The following PLXNA2 variants were observed in gnomAD, a reference collection of about 807,000 sequenced individuals.
PLXNA2 encodes plexin A2.
Under a neutral mutation model 193.5 loss-of-function variants are expected in PLXNA2, and 91 were observed. That is an observed-to-expected ratio of 0.47 (90% confidence interval 0.40 to 0.56). PLXNA2 has a LOEUF of 0.56. Among genes scored for constraint, PLXNA2 ranks in the 20% least tolerant of loss-of-function variants. The pLI is 0.00. For synonymous variants in PLXNA2, 997 were observed against 1,027.3 expected (o/e 0.97, Z 0.56); for missense variants, 1,995 against 2,503.2 (o/e 0.80, Z 4.33).
chr1:208,118,532 G>T (rs1271317898), intron 4 of PLXNA2, among the ~76,000 whole-genome samples: 1 of 152,166 alleles, frequency 6.6e-6, no homozygotes, highest in Non-Finnish European at 1.5e-5. Context: ...CCACCCCGGG[G>T]TCTTGTCCTG....
At position 208,042,068 on chromosome 1, in the gene PLXNA2, ACCCTCTCCACCCACT is replaced by A; in HGVS notation, c.4286+15_4286+29del. 1 of 1,606,054 alleles carries A rather than the reference ACCCTCTCCACCCACT, an allele frequency of 6.2e-7. No individual in the cohort carries two copies. The highest frequency in any genetic ancestry group is 8.5e-7 in the Non-Finnish European group (1 of 1,175,616). ...CTCTGTCCAGGTTCAGACTCCTGCCACCCTCTCCACCCACTGCTGCGGGCCAGACCTCCGGAGTAG... is the reference window on the plus strand; with the variant it reads ...CTCTGTCCAGGTTCAGACTCCTGCCAGCTGCGGGCCAGACCTCCGGAGTAG... On this transcript the variant is annotated intron_variant, in intron 22 of 31. Transcript: ENST00000367033.
Position 208,216,963 on chromosome 1 carries a change from G to C in PLXNA2, c.960C>G (p.Asp320Glu), listed in dbSNP as rs763276369. Residue 320 changes from aspartate to glutamate, a missense_variant, in exon 2 of 32, where the codon GAC (aspartate) becomes GAG (glutamate). Asp to Glu is a conservative substitution (Grantham distance 45, BLOSUM62 2). Coordinates refer to ENST00000367033, the MANE Select transcript of PLXNA2 (RefSeq NM_025179.4). ...TGATATTGAAGGCCTGGGCCAGTGAGTCCCCAGGCTTGGCCAGGTAAGCAG... is the reference window on the plus strand; with the variant it reads ...TGATATTGAAGGCCTGGGCCAGTGACTCCCCAGGCTTGGCCAGGTAAGCAG... ...LQAAYLAKPG[D>E]SLAQAFNITS... 1.9e-6 allele frequency: 3 copies of C among 1,613,718 alleles called. No individual in the cohort carries two copies. The highest frequency in any genetic ancestry group is 2.5e-6 in the Non-Finnish European group (3 of 1,179,842).
At position 208,028,027 on chromosome 1, in the gene PLXNA2, G is replaced by C; in HGVS notation, c.5571C>G (p.Val1857=). ...LSALNEIYSY[V]SKYSEELIGA... is the part of the protein sequence containing the mutation. The stretch of plus-strand genomic sequence containing the variant: ...GTCTCACCTCCTCACTATACTTGCT[G>C]ACATAGGAGTAGATCTCATTGAGGG... Residue 1857 remains valine, a synonymous_variant, in exon 31 of 32, where the codon GTC becomes GTG. Coordinates refer to ENST00000367033, the MANE Select transcript of PLXNA2 (RefSeq NM_025179.4). This position sits in a 1 kb window ranked among gnomAD's most constrained non-coding sequence, Gnocchi z 4.2. 1 of 1,605,542 alleles carries C rather than the reference G, an allele frequency of 6.2e-7. No individual in the cohort carries two copies. The highest frequency in any genetic ancestry group is 8.5e-7 in the Non-Finnish European group (1 of 1,175,786).
At chr1:208,108,445 T>C (rs1274441491) in intron 4 of PLXNA2, among the ~76,000 whole-genome samples, 2 of 151,610 alleles carry the variant, frequency 1.3e-5, no homozygotes, top group Non-Finnish European at 2.9e-5. Flanking sequence ...CACAGAAGAG[T>C]TTCCCAATGG....
At chr1:208,040,095 C>G (rs375840950) in intron 22 of PLXNA2, 37 bp from the exon 23 acceptor site, 2 of 1,556,922 alleles carry the variant, frequency 1.3e-6, no homozygotes, top group African/African-American at 2.7e-5. Context: ...CAGTCCTTCA[C>G]AGAGGGGTCT....
At chr1:208,200,173 G>A (rs186340142) in intron 3 of PLXNA2, among the ~76,000 whole-genome samples, 13 of 152,260 alleles carry the variant, frequency 8.5e-5, no homozygotes, top group Admixed American at 5.9e-4. Flanking sequence ...ACAACCCAAC[G>A]GCACCAGCTC....
chr1:208,216,963 G>A lies in PLXNA2; in HGVS notation c.960C>T (p.Asp320=). Residue 320 remains aspartate, a synonymous_variant, in exon 2 of 32, where the codon GAC becomes GAT. Transcript: ENST00000367033. ...TGATATTGAAGGCCTGGGCCAGTGA[G>A]TCCCCAGGCTTGGCCAGGTAAGCAG... ...LQAAYLAKPG[D]SLAQAFNITS... 6.2e-7 allele frequency: 1 copy of A among 1,613,836 alleles called. No individual in the cohort carries two copies. Among genetic ancestry groups the A allele is most frequent in the Non-Finnish European group, 8.5e-7 (1 of 1,179,834 alleles).
intron 4 of PLXNA2, among the ~76,000 whole-genome samples, chr1:208,136,464 A>G (rs1053900529): frequency 2.6e-5 from 4 of 152,294 alleles, no homozygotes; most frequent in African/African-American, 7.2e-5. Flanking sequence ...GAAACCAGAA[A>G]TGAAAAGCCC....
At chr1:208,086,084 A>T (rs1666510713) in intron 9 of PLXNA2, among the ~76,000 whole-genome samples, 1 of 152,038 alleles carries the variant, frequency 6.6e-6, no homozygotes, top group African/African-American at 2.4e-5. Flanking sequence ...TGGCTTCAGG[A>T]TGAGTTATGA....
intron 3 of PLXNA2, among the ~76,000 whole-genome samples, chr1:208,159,835 G>A (rs1482571885): frequency 6.6e-6 from 1 of 152,214 alleles, no homozygotes; most frequent in East Asian, 1.9e-4. Context: ...GTGAGTGGGA[G>A]GGTGAACCTG....
intron 12 of PLXNA2, among the ~76,000 whole-genome samples, chr1:208,073,423 T>C (rs962418802): frequency 3.3e-5 from 5 of 152,196 alleles, no homozygotes; most frequent in African/African-American, 4.8e-5. Context: ...AGGCTGGGGC[T>C]ACATTGGAAG....
chr1:208,033,207 G>A (rs1664560284), intron 28 of PLXNA2, 112 bp downstream of exon 28: 13 of 1,045,834 alleles, frequency 1.2e-5, no homozygotes, highest in Non-Finnish European at 1.4e-5. Flanking sequence ...TACCTGGACT[G>A]TCTGAATGGG....
intron 3 of PLXNA2, among the ~76,000 whole-genome samples, chr1:208,187,711 C>T (rs1340485483): frequency 2.0e-5 from 3 of 152,174 alleles, no homozygotes; most frequent in Non-Finnish European, 4.4e-5. Flanking sequence ...GTAAAAGTCC[C>T]TGGCAAGTAT....
chr1:208,089,136 G>A (rs1424105835), intron 9 of PLXNA2, among the ~76,000 whole-genome samples: 2 of 152,186 alleles, frequency 1.3e-5, no homozygotes, highest in Admixed American at 1.3e-4. Context: ...TGGTCCATCT[G>A]CCTTCTGGAA....
intron 3 of PLXNA2, among the ~76,000 whole-genome samples, chr1:208,187,059 G>A (rs1049038863): frequency 7.2e-5 from 11 of 152,230 alleles, no homozygotes; most frequent in Admixed American, 3.3e-4. Flanking sequence ...CTGTAGGAAG[G>A]TGGGGGAGGG....
At chr1:208,039,533 C>T (rs976059223) in intron 24 of PLXNA2, 88 bp downstream of exon 24, 67 of 1,555,130 alleles carry the variant, frequency 4.3e-5, no homozygotes, top group Non-Finnish European at 5.5e-5. Flanking sequence ...CTTTATTGAC[C>T]CCCTAGACTG....
chr1:208,208,691 G>A (rs973289625), intron 3 of PLXNA2, among the ~76,000 whole-genome samples: 3 of 152,190 alleles, frequency 2.0e-5, no homozygotes, highest in African/African-American at 7.2e-5. Context: ...GGTTTCTGCT[G>A]GCCCTTAGAG....
At chr1:208,111,350 A>G (rs1310538765) in intron 4 of PLXNA2, among the ~76,000 whole-genome samples, 1 of 152,096 alleles carries the variant, frequency 6.6e-6, no homozygotes. Flanking sequence ...TACAGGTGTG[A>G]GCCTTTGCAC....
chr1:208,133,325 C>A (rs1391534983), intron 4 of PLXNA2, among the ~76,000 whole-genome samples: 1 of 152,148 alleles, frequency 6.6e-6, no homozygotes, highest in African/African-American at 2.4e-5. Flanking sequence ...CATCATTGCG[C>A]TTCTCCAGAA....
Sources: allele counts gnomAD v4.1 joint callset (sites outside exome capture counted in the v4.1 genomes callset), GRCh38; gene constraint gnomAD v4.1.1; non-coding constraint Gnocchi (gnomAD v3.1); transcripts MANE v1.5; gene names NCBI Gene and HGNC (gene_info 2026-07-23, HGNC 2026-07-21).